COL16A1: variants seen among roughly 807,000 people sequenced by gnomAD.
COL16A1 encodes the protein collagen type XVI alpha 1 chain.
COL16A1 carries 189 observed loss-of-function variants against 266.3 expected under a neutral mutation model. The observed-to-expected ratio is 0.71, with a 90% CI of 0.63 to 0.80. The LOEUF is 0.80. COL16A1 is among the 30% of genes least tolerant of loss of function. The probability of loss-of-function intolerance (pLI) is 0.00; values close to 1 mark genes in which losing one functional copy is unlikely to be tolerated. For missense variants in COL16A1, 1,928 were observed against 2,122.4 expected (o/e 0.91, Z 1.80); for synonymous variants, 740 against 782.3 (o/e 0.95, Z 0.90).
chr1:31,702,230 G>T lies in COL16A1; in HGVS notation c.-34-3C>A, dbSNP rs752876120. 3 of 1,613,540 alleles carry T rather than the reference G, an allele frequency of 1.9e-6. No homozygotes were observed. Among genetic ancestry groups the T allele is most frequent in the South Asian group, 1.1e-5 (1 of 91,056 alleles). On this transcript the variant is annotated splice_polypyrimidine_tract_variant and splice_region_variant and intron_variant, in intron 1 of 70. Transcript: ENST00000373672. ...GAGGTCAGCTACAGCCACAGCACCT[G>T]AAAACCACAGAGACCGGGAAGGCGG... is the stretch of plus-strand genomic sequence containing the variant.
Position 31,697,113 on chromosome 1 carries a change from G to C in COL16A1, c.739-25C>G, listed in dbSNP as rs372734152. 9 of 1,613,852 alleles carry C rather than the reference G, an allele frequency of 5.6e-6. No homozygotes were observed. The African/African-American group carries it at 1.2e-4, about 22-fold the overall frequency. On this transcript the variant is annotated intron_variant, in intron 7 of 70. Coordinates refer to ENST00000373672, the MANE Select transcript of COL16A1 (RefSeq NM_001856.4). This position sits in a 1 kb window ranked among gnomAD's most constrained non-coding sequence, Gnocchi z 4.2. ...ACTGTTTGGTGGAAGAGCGGGGCTA[G>C]GGTCAGTACAGGAGCAGACTCCTCC...
Position 31,698,119 on chromosome 1 carries a change from G to T in COL16A1, c.444C>A (p.Gly148=). 6.2e-7 allele frequency: 1 copy of T among 1,613,976 alleles called. No individual in the cohort carries two copies. The highest frequency in any genetic ancestry group is 8.5e-7 in the Non-Finnish European group (1 of 1,180,044). ...QERSLELRAQ[G]QDGDFVSCIF... is the part of the protein sequence containing the mutation. ...TGCAGGACACAAAGTCGCCATCCTG[G>T]CCCTGGGCCCTGAGCTCCAGGCTCC... Residue 148 remains glycine (G), a synonymous_variant, in exon 6 of 71, where the codon GGC becomes GGA. Coordinates refer to ENST00000373672, the MANE Select transcript of COL16A1 (RefSeq NM_001856.4). The surrounding 1 kb of genome is among the most constrained non-coding windows in gnomAD (Gnocchi z 4.1).
At position 31,671,540 on chromosome 1, in the gene COL16A1, G is replaced by A; in HGVS notation, c.3150+75C>T. On this transcript the variant is annotated intron_variant, in intron 48 of 70. Transcript: ENST00000373672. ...CCTTGCCCAGCCTTTTGGGGACAAG[G>A]CCGCGGGATGGTGTCTGAGTGTAAT... The A allele has an allele frequency of 3.1e-6, 5 of 1,590,526 alleles. No homozygotes were observed. In the South Asian group the frequency reaches 5.6e-5, roughly 18 times the overall value.
intron 44 of COL16A1, chr1:31,673,250 C>G (rs908287212): frequency 3.3e-6 from 1 of 303,266 alleles, no homozygotes; most frequent in Admixed American, 4.6e-5. Flanking sequence ...AAAGGAACAG[C>G]TGCGGGAGGA....
At chr1:31,673,758 C>T (rs1642944620) in intron 44 of COL16A1, among the ~76,000 whole-genome samples, 1 of 152,250 alleles carries the variant, frequency 6.6e-6, no homozygotes, top group Admixed American at 6.5e-5. Context: ...TGGCGTGGGC[C>T]TGTCCTAGGC....
In COL16A1 at chr1:31,688,863, G is replaced by C; in HGVS notation, c.1765C>G (p.Pro589Ala). ...GSPGFGLPGL[P>A]GRAGVPGLKG... ...GCTGGGAGAAAGTCGTCACTCACCG[G>C]AAGGCCAGGCAGACCAAAGCCAGGG... Residue 589 changes from proline (P) to alanine (A), a missense_variant and splice_region_variant, in exon 25 of 71, where the codon CCG becomes GCG. Physicochemically the swap from Pro to Ala is conservative, Grantham distance 27. Transcript: ENST00000373672. This position sits in a 1 kb window ranked among gnomAD's most constrained non-coding sequence, Gnocchi z 4.9. 6.2e-7 allele frequency: 1 copy of C among 1,613,332 alleles called. No individual in the cohort carries two copies. Among genetic ancestry groups the C allele is most frequent in the Non-Finnish European group, 8.5e-7 (1 of 1,179,586 alleles).
chr1:31,688,183 T>A lies in COL16A1; in HGVS notation c.1803+284A>T, dbSNP rs1378850255. On this transcript the variant is annotated intron_variant, in intron 26 of 70. Coordinates refer to ENST00000373672, the MANE Select transcript of COL16A1 (RefSeq NM_001856.4). The surrounding 1 kb of genome is among the most constrained non-coding windows in gnomAD (Gnocchi z 4.9). ...ATAGTGCCCGGCACATCATAAGCAA[T>A]AAAGAAGTGTTACATATTATAAATA... 6.6e-6 allele frequency among the ~76,000 whole-genome samples: 1 copy of A among 152,182 alleles called. No individual in the cohort carries two copies. The highest frequency in any genetic ancestry group is 1.5e-5 in the Non-Finnish European group (1 of 68,032).
chr1:31,674,630 A>G (rs953174576), intron 44 of COL16A1, among the ~76,000 whole-genome samples: 1 of 151,742 alleles, frequency 6.6e-6, no homozygotes, highest in South Asian at 2.1e-4. Context: ...ACCCAATCTC[A>G]CAGCCCCCCA....
In COL16A1 at chr1:31,666,986, A is replaced by ATT. The variant is rs1642197523; in HGVS notation, c.3357+588_3357+589insAA. Among the ~76,000 whole-genome samples the ATT allele has an allele frequency of 2.6e-5, 4 of 152,198 alleles. No homozygotes were observed. The South Asian group carries it at 8.3e-4, about 31-fold the overall frequency. The stretch of plus-strand genomic sequence containing the variant: ...CTGGCACCCCACAGGCCCCTGAGAA[A>ATT]TATCTATTACTGAGTAAATGCCTGA... On this transcript the variant is annotated intron_variant, in intron 52 of 70. Coordinates refer to ENST00000373672, the MANE Select transcript of COL16A1 (RefSeq NM_001856.4).
At chr1:31,694,191 G>A (rs768565381) in intron 11 of COL16A1, 21 bp from the exon 12 acceptor site, 9 of 1,573,682 alleles carry the variant, frequency 5.7e-6, no homozygotes, top group Admixed American at 1.8e-5. Flanking sequence ...AGAGGAGAGG[G>A]CATCACACTT....
At chr1:31,673,713 G>T (rs537241236) in intron 44 of COL16A1, among the ~76,000 whole-genome samples, 2 of 152,238 alleles carry the variant, frequency 1.3e-5, no homozygotes, top group Non-Finnish European at 2.9e-5. Context: ...CAAGAGAGGC[G>T]GCGTGACTTG....
chr1:31,662,633 G>A lies in COL16A1; in HGVS notation c.3581C>T (p.Ser1194Leu), dbSNP rs1165191826. 9.0e-6 allele frequency: 14 copies of A among 1,553,700 alleles called. No homozygotes were observed. Among genetic ancestry groups the A allele is most frequent in the Admixed American group, 1.9e-5 (1 of 51,874 alleles). Residue 1194 changes from serine (S) to leucine (L), a missense_variant, in exon 57 of 71, where the codon TCA (serine) becomes TTA (leucine). Around this residue, in one of 2 missense-constraint regions of COL16A1, gnomAD observed 1,552 missense variants for 1,637.2 expected, o/e 0.95. Coordinates refer to ENST00000373672, the MANE Select transcript of COL16A1 (RefSeq NM_001856.4). ...TGGCCCAGGGGAGCCAGGCAGGCCT[G>A]ATGGGCCTCGAATCCCTTCGCTGCC... ...EKGSEGIRGP[S>L]GLPGSPGPPG...
In COL16A1 at chr1:31,652,774, C is replaced by CCCAGGGATG. The variant is rs754392858; in HGVS notation, c.4683_4691dup (p.Ile1562_Gly1564dup). 2 of 1,598,638 alleles carry CCCAGGGATG rather than the reference C, an allele frequency of 1.3e-6. No individual in the cohort carries two copies. The highest frequency in any genetic ancestry group is 4.5e-5 in the East Asian group (2 of 44,206). ...CTGGCTGGCCCATGGGACCCGGGGG[C>CCCAGGGATG]CCAGGGATGCCAGGGATGCCTTGCT... On this transcript the variant is annotated inframe_insertion, in exon 71 of 71. Transcript: ENST00000373672. This position sits in a 1 kb window ranked among gnomAD's most constrained non-coding sequence, Gnocchi z 4.8.
chr1:31,695,125 C>T (rs767970957), intron 11 of COL16A1, 61 bp downstream of exon 11: 4 of 1,593,136 alleles, frequency 2.5e-6, no homozygotes, highest in African/African-American at 2.7e-5. Flanking sequence ...CAAGCCAGCT[C>T]TAGGCAACGT....
At chr1:31,667,971 G>A (rs1172254164) in intron 51 of COL16A1, among the ~76,000 whole-genome samples, 194 bp downstream of exon 51, 1 of 152,218 alleles carries the variant, frequency 6.6e-6, no homozygotes, top group East Asian at 1.9e-4. Context: ...GAGCAGAGTG[G>A]TGGGACCAAT....
Position 31,691,503 on chromosome 1 carries a change from C to T in COL16A1, c.1312G>A (p.Gly438Ser). 1 of 1,613,812 alleles carries T rather than the reference C, an allele frequency of 6.2e-7. No homozygotes were observed. Among genetic ancestry groups the T allele is most frequent in the Non-Finnish European group, 8.5e-7 (1 of 1,179,790 alleles). Residue 438 changes from glycine (G) to serine (S), a missense_variant, in exon 19 of 71, where the codon GGC (glycine) becomes AGC (serine). Coordinates refer to ENST00000373672, the MANE Select transcript of COL16A1 (RefSeq NM_001856.4). ...IGPKGQKGDPGFVGPEGLAGE... is the reference protein window; with the variant it reads ...IGPKGQKGDPSFVGPEGLAGE... ...GCCAGCCCCTCAGGCCCAACAAAGCCAGGGTCTCCCTGGCACAGACATAAG... is the reference window on the plus strand; with the variant it reads ...GCCAGCCCCTCAGGCCCAACAAAGCTAGGGTCTCCCTGGCACAGACATAAG...
Position 31,671,565 on chromosome 1 carries a change from T to C in COL16A1, c.3150+50A>G, listed in dbSNP as rs771481410. ...GCCGCGGGATGGTGTCTGAGTGTAATGACCCCTTTGAGAGCTTCTCAAGCA... is the reference window on the plus strand; with the variant it reads ...GCCGCGGGATGGTGTCTGAGTGTAACGACCCCTTTGAGAGCTTCTCAAGCA... On this transcript the variant is annotated intron_variant, in intron 48 of 70. Coordinates refer to ENST00000373672, the MANE Select transcript of COL16A1 (RefSeq NM_001856.4). The C allele has an allele frequency of 5.0e-6, 8 of 1,612,162 alleles. No homozygotes were observed. In the African/African-American group the frequency reaches 8.0e-5, roughly 16 times the overall value.
In COL16A1 at chr1:31,672,506, G is replaced by C; in HGVS notation, c.3019-4C>G. 1.9e-6 allele frequency: 3 copies of C among 1,614,138 alleles called. No homozygotes were observed. In the South Asian group the frequency reaches 3.3e-5, roughly 18 times the overall value. Reference sequence around the variant, plus strand: ...GATCTCCCTCACTGTTGTCACCCTGGAGAAGGATGGAGACGGTGATAGTGA... The same window carrying C: ...GATCTCCCTCACTGTTGTCACCCTGCAGAAGGATGGAGACGGTGATAGTGA... On this transcript the variant is annotated splice_region_variant and splice_polypyrimidine_tract_variant and intron_variant, in intron 46 of 70. Transcript: ENST00000373672.
chr1:31,665,648 G>A (rs756761665), intron 54 of COL16A1, 30 bp from the exon 55 acceptor site: 2 of 1,610,528 alleles, frequency 1.2e-6, no homozygotes, highest in African/African-American at 1.3e-5. Context: ...GCAGTGTGCT[G>A]TGCCACCCCC....
Sources: gnomAD v4.1 joint callset for allele counts (sites outside exome capture counted in the v4.1 genomes callset) on GRCh38, gnomAD v4.1.1 for gene constraint, gnomAD v4.1.1 regional missense constraint, Gnocchi (gnomAD v3.1) non-coding constraint, MANE v1.5 for transcripts, NCBI Gene and HGNC (gene_info 2026-07-23, HGNC 2026-07-21) for gene names.